Variants in KCTD19 observed in about 807,000 individuals in gnomAD.
The protein encoded by KCTD19 is potassium channel tetramerization domain containing 19.
Under a neutral mutation model 103.5 loss-of-function variants are expected in KCTD19, and 67 were observed. That is an observed-to-expected ratio of 0.65 (90% CI 0.53 to 0.79). KCTD19 has a LOEUF of 0.79. Among genes scored for constraint, KCTD19 ranks in the 30% least tolerant of loss-of-function variants. KCTD19 has a pLI of 0.00. For missense variants in KCTD19, 980 were observed against 1,136.1 expected (o/e 0.86, Z 1.98); for synonymous variants, 439 against 452.2 (o/e 0.97, Z 0.37).
intron 2 of KCTD19, among the ~76,000 whole-genome samples, chr16:67,313,108 A>G (rs2036965516): frequency 7.0e-6 from 1 of 142,882 alleles, no homozygotes; most frequent in Admixed American, 6.7e-5. Context: ...CACTGAAATT[A>G]GAATTTTTTT....
In KCTD19 at chr16:67,324,794, T is replaced by C. The variant is rs145169962; in HGVS notation, c.3+1911A>G. Among the ~76,000 whole-genome samples, 857 of 152,266 alleles carry C rather than the reference T, an allele frequency of 5.6e-3. 14 individuals are homozygous for C. Among genetic ancestry groups the C allele is most frequent in the African/African-American group, 0.02 (819 of 41,546 alleles). The stretch of plus-strand genomic sequence containing the variant: ...AGACATAAAGAAGAGCAATTATATA[T>C]GCCACATTTGAGACTAGAAGAGTTA... On this transcript the variant is annotated intron_variant, in intron 1 of 15. Coordinates refer to ENST00000304372, the MANE Select transcript of KCTD19 (RefSeq NM_001100915.3).
chr16:67,308,842 T>C (rs1597397291), intron 2 of KCTD19, among the ~76,000 whole-genome samples: 1 of 151,818 alleles, frequency 6.6e-6, no homozygotes, highest in Non-Finnish European at 1.5e-5. Context: ...TGCATGAAAA[T>C]GGAGGGCTAG....
chr16:67,321,507 A>G (rs918509846), intron 1 of KCTD19, among the ~76,000 whole-genome samples: 1 of 152,246 alleles, frequency 6.6e-6, no homozygotes, highest in Non-Finnish European at 1.5e-5. Context: ...TTGATTTACA[A>G]ATTCAACACA....
At chr16:67,321,390 A>G (rs999161549) in intron 1 of KCTD19, among the ~76,000 whole-genome samples, 1 of 152,222 alleles carries the variant, frequency 6.6e-6, no homozygotes, top group Non-Finnish European at 1.5e-5. Context: ...GTGCACTGGA[A>G]ACTTCAAAAC....
intron 2 of KCTD19, among the ~76,000 whole-genome samples, chr16:67,314,846 G>GAA (rs2036991119): frequency 1.5e-5 from 2 of 134,988 alleles, no homozygotes; most frequent in South Asian, 2.3e-4. Context: ...GAGAGAGAGA[G>GAA]AGAGAGAGAG....
intron 8 of KCTD19, 110 bp downstream of exon 8, chr16:67,296,049 C>T (rs1004135931): frequency 1.4e-6 from 1 of 739,722 alleles, no homozygotes; most frequent in African/African-American, 1.7e-5. Flanking sequence ...GGCGGGAAAG[C>T]CTTTGTTCTA....
chr16:67,311,405 C>A (rs1342583135), intron 2 of KCTD19, among the ~76,000 whole-genome samples: 1 of 151,976 alleles, frequency 6.6e-6, no homozygotes, highest in Non-Finnish European at 1.5e-5. Context: ...CAGGTTCAAG[C>A]GATTCTCCTG....
chr16:67,317,971 T>C (rs1416286393), intron 2 of KCTD19, among the ~76,000 whole-genome samples: 1 of 152,238 alleles, frequency 6.6e-6, no homozygotes, highest in Non-Finnish European at 1.5e-5. Flanking sequence ...GAGTATCTGA[T>C]AGACCTTAGC....
chr16:67,297,243 G>C (rs1173964095), intron 7 of KCTD19, among the ~76,000 whole-genome samples: 1 of 152,158 alleles, frequency 6.6e-6, no homozygotes, highest in African/African-American at 2.4e-5. Flanking sequence ...CCAGGGTCAA[G>C]GCAGGCCTGC....
chr16:67,318,993 C>T (rs1036463641), intron 2 of KCTD19, among the ~76,000 whole-genome samples: 6 of 152,070 alleles, frequency 3.9e-5, no homozygotes, highest in African/African-American at 9.7e-5. Context: ...GAGGCTGAGG[C>T]GGGTGGATCA....
At chr16:67,299,673 G>T (rs1385140777) in intron 5 of KCTD19, 100 bp from the exon 6 acceptor site, 1 of 931,258 alleles carries the variant, frequency 1.1e-6, no homozygotes, top group Admixed American at 2.4e-5. Flanking sequence ...ATTGTACCGA[G>T]GAGGCTCAGA....
intron 5 of KCTD19, 152 bp from the exon 6 acceptor site, chr16:67,299,725 A>C: frequency 1.6e-6 from 1 of 617,524 alleles, no homozygotes; most frequent in East Asian, 2.9e-5. Flanking sequence ...AGATCTTCTC[A>C]AAATTAGTAT....
chr16:67,296,410 T>C (rs1307061622), intron 7 of KCTD19, 151 bp from the exon 8 acceptor site: 29 of 625,598 alleles, frequency 4.6e-5, no homozygotes, highest in Non-Finnish European at 5.9e-6. Context: ...CAGAAATCCC[T>C]GACATAAACC....
chr16:67,320,471 T>G lies in KCTD19; in HGVS notation c.300+118A>C. On this transcript the variant is annotated intron_variant, in intron 2 of 15. Coordinates refer to ENST00000304372, the MANE Select transcript of KCTD19 (RefSeq NM_001100915.3). The surrounding 1 kb of genome is among the most constrained non-coding windows in gnomAD (Gnocchi z 4.0). Reference sequence around the variant, plus strand: ...AAATTATTTATTACTTTAACACACTTATTACATTTGCCCATTAAGAGGGTC... The same window carrying G: ...AAATTATTTATTACTTTAACACACTGATTACATTTGCCCATTAAGAGGGTC... 5.3e-6 allele frequency: 5 copies of G among 940,984 alleles called. No homozygotes were observed. Among genetic ancestry groups the G allele is most frequent in the Non-Finnish European group, 8.2e-6 (5 of 611,496 alleles). The allele number at this position is 940,984 out of a possible 1,614,324, so 58.3% of individuals were successfully genotyped here.
At chr16:67,310,656 A>G (rs2036939654) in intron 2 of KCTD19, among the ~76,000 whole-genome samples, 1 of 152,208 alleles carries the variant, frequency 6.6e-6, no homozygotes, top group Non-Finnish European at 1.5e-5. Flanking sequence ...AACTGATGGC[A>G]CGGGGAAGTA....
chr16:67,306,441 T>G (rs1486180260), intron 2 of KCTD19, among the ~76,000 whole-genome samples: 1 of 152,140 alleles, frequency 6.6e-6, no homozygotes, highest in African/African-American at 2.4e-5. Context: ...AATTTTTGGA[T>G]TTCTAGTAGA....
chr16:67,307,267 C>A (rs1207544907), intron 2 of KCTD19, among the ~76,000 whole-genome samples: 1 of 151,216 alleles, frequency 6.6e-6, no homozygotes, highest in African/African-American at 2.4e-5. Context: ...TCCCACCTCA[C>A]CCTCCTGAGT....
intron 14 of KCTD19, 65 bp from the exon 15 acceptor site, chr16:67,291,051 G>C (rs2036684989): frequency 1.3e-6 from 2 of 1,531,622 alleles, no homozygotes; most frequent in African/African-American, 1.4e-5. Context: ...GTGAGATGCA[G>C]AGCGGGGACT....
rs151277302 is a variant in KCTD19 at position 67,300,773 on chromosome 16, G to C, written c.775+1018C>G. On this transcript the variant is annotated intron_variant, in intron 5 of 15. Transcript: ENST00000304372. This position sits in a 1 kb window ranked among gnomAD's most constrained non-coding sequence, Gnocchi z 4.5. ...CGATTCTCCTGCCTCAGCTTCCCAA[G>C]TAGTGGGATTACAGGTGCGTGCCAC... 6.6e-6 allele frequency: 1 copy of C among 152,634 alleles called. No homozygotes were observed. The highest frequency in any genetic ancestry group is 1.9e-4 in the East Asian group (1 of 5,186). The allele number at this position is 152,634 out of a possible 1,614,324, so 9.5% of individuals were successfully genotyped here.
Sources: gnomAD v4.1 joint callset for allele counts (sites outside exome capture counted in the v4.1 genomes callset) on GRCh38, gnomAD v4.1.1 for gene constraint, Gnocchi (gnomAD v3.1) non-coding constraint, MANE v1.5 for transcripts, NCBI Gene and HGNC (gene_info 2026-07-23, HGNC 2026-07-21) for gene names.